REEP5: variants seen among roughly 807,000 people sequenced by gnomAD.
REEP5 encodes the protein receptor accessory protein 5.
REEP5 carries 24 observed loss-of-function variants against 22.4 expected under a neutral mutation model. That is an observed-to-expected ratio of 1.07 (90% CI 0.78 to 1.51). The LOEUF (loss-of-function observed/expected upper bound fraction) is 1.51, where lower values mean the gene tolerates loss of function less well. Ranked by LOEUF, REEP5 falls within the 40% of genes most tolerant of loss-of-function variation. The pLI is 0.00. For synonymous variants in REEP5, 103 were observed against 88.6 expected, an observed-to-expected ratio of 1.16 and a Z score of -0.92; for missense variants, 252 against 233.0, an observed-to-expected ratio of 1.08 and a Z score of -0.53.
intron 2 of REEP5, among the ~76,000 whole-genome samples, chr5:112,915,948 ACAAATACAC>A (rs1308359109): frequency 2.0e-5 from 3 of 151,874 alleles, no homozygotes; most frequent in Non-Finnish European, 1.5e-5. Flanking sequence ...GAAGAGAACT[ACAAATACAC>A]ATCCTCCAGT....
At chr5:112,888,515 T>G (rs1768331255) in intron 3 of REEP5, among the ~76,000 whole-genome samples, 1 of 152,166 alleles carries the variant, frequency 6.6e-6, no homozygotes, top group South Asian at 2.1e-4. Context: ...CTTGAACTCC[T>G]GGGTTCAAAC....
Position 112,921,940 on chromosome 5 carries a change from C to T in REEP5, c.118+133G>A, listed in dbSNP as rs1769382314. 6 of 1,166,852 alleles carry T rather than the reference C, an allele frequency of 5.1e-6. No individual in the cohort carries two copies. The South Asian group carries it at 6.8e-5, about 13-fold the overall frequency. 72.3% of individuals were successfully genotyped at this position (1,166,852 alleles called of 1,614,324 possible). A position where few individuals can be genotyped will look rare whatever the true frequency, so the allele number is the denominator to read the frequency against. On this transcript the variant is annotated intron_variant, in intron 1 of 4. Coordinates refer to ENST00000379638, the MANE Select transcript of REEP5 (RefSeq NM_005669.5). ...CGCTTTCCGGGAGGCCAGCCTGATC[C>T]CTGAATATGCTGCTTGTCCCGTCTG...
At position 112,921,187 on chromosome 5, in the gene REEP5, C is replaced by A; in HGVS notation, c.188G>T (p.Gly63Val). ...CGAGATGTAGGCTGGGTAGCCAAAT[C>A]CTATCAGGTTGCAGAGGAGAGAGGC... ...YGASLLCNLI[G>V]FGYPAYISIK... The change falls in exon 2 of 5, where the codon GGA becomes GTA. Residue 63 changes from glycine to valine, a missense_variant. By Grantham distance (109) the Gly-to-Val change is moderately radical. Transcript: ENST00000379638. 3.1e-6 allele frequency: 5 copies of A among 1,614,108 alleles called. No homozygotes were observed. The highest frequency in any genetic ancestry group is 4.2e-6 in the Non-Finnish European group (5 of 1,180,016).
chr5:112,921,279 T>G (rs1307292631), intron 1 of REEP5, 23 bp from the exon 2 acceptor site: 4 of 1,611,540 alleles, frequency 2.5e-6, no homozygotes, highest in Admixed American at 3.3e-5. Context: ...AGGAGAGAAG[T>G]GGGTCGGGCA....
At chr5:112,886,701 A>G (rs564705964) in intron 4 of REEP5, among the ~76,000 whole-genome samples, 1 of 152,380 alleles carries the variant, frequency 6.6e-6, no homozygotes, top group East Asian at 1.9e-4. Context: ...AAAAAATTAA[A>G]TAAACAATTA....
chr5:112,921,841 G>A (rs1390670423), intron 1 of REEP5: 1 of 412,606 alleles, frequency 2.4e-6, no homozygotes, highest in Non-Finnish European at 4.3e-6. Flanking sequence ...AGCTGCCAGC[G>A]CCCGGCGCCG....
chr5:112,907,943 T>C (rs1768992193), intron 2 of REEP5, among the ~76,000 whole-genome samples: 1 of 152,118 alleles, frequency 6.6e-6, no homozygotes, highest in Non-Finnish European at 1.5e-5. Flanking sequence ...CAGAAAGATA[T>C]GCAATACATT....
At chr5:112,914,407 T>A (rs2150047872) in intron 2 of REEP5, among the ~76,000 whole-genome samples, 1 of 151,958 alleles carries the variant, frequency 6.6e-6, no homozygotes, top group East Asian at 2.0e-4. Flanking sequence ...GTACTAATTT[T>A]TTGTATTTTT....
Position 112,906,971 on chromosome 5 carries a change from A to G in REEP5, c.213-4453T>C, listed in dbSNP as rs544478779. ...AAGTTGGACGTAGAAGTCAAACTGA[A>G]TAATGTCTCTACTAAAATTAGAATA... On this transcript the variant is annotated intron_variant, in intron 2 of 4. Coordinates refer to ENST00000379638, the MANE Select transcript of REEP5 (RefSeq NM_005669.5). Among the ~76,000 whole-genome samples the G allele has an allele frequency of 2.6e-4, 40 of 152,342 alleles. 1 individual carries two copies. The East Asian group carries it at 4.2e-3, about 16-fold the overall frequency.
rs184168227 is a variant in REEP5 at position 112,889,650 on chromosome 5, A to G, written c.352-2467T>C. 5.6e-3 allele frequency among the ~76,000 whole-genome samples: 845 copies of G among 150,508 alleles called. 17 individuals carry two copies. Among genetic ancestry groups the G allele is most frequent in the Middle Eastern group, 0.014 (4 of 294 alleles). On this transcript the variant is annotated intron_variant, in intron 3 of 4. Coordinates refer to ENST00000379638, the MANE Select transcript of REEP5 (RefSeq NM_005669.5). ...AAATGTAAGTCAGAATTATATAGACAAATGGACAAAATCTGCAATCATAGA... is the reference window on the plus strand; with the variant it reads ...AAATGTAAGTCAGAATTATATAGACGAATGGACAAAATCTGCAATCATAGA...
In REEP5 at chr5:112,921,210, G is replaced by C; in HGVS notation, c.165C>G (p.Ala55=). ...ATCCTATCAGGTTGCAGAGGAGAGA[G>C]GCTCCATAACCGAACACCAGGTACA... ...VALYLVFGYG[A]SLLCNLIGFG... Residue 55 remains alanine (A), a synonymous_variant, in exon 2 of 5, where the codon GCC becomes GCG. Transcript: ENST00000379638. 3.1e-6 allele frequency: 5 copies of C among 1,614,190 alleles called. No individual in the cohort carries two copies. Among genetic ancestry groups the C allele is most frequent in the Non-Finnish European group, 4.2e-6 (5 of 1,180,038 alleles).
rs546114902 is a variant in REEP5 at position 112,901,693 on chromosome 5, C to T, written c.351+687G>A. On this transcript the variant is annotated intron_variant, in intron 3 of 4. Transcript: ENST00000379638. ...TACCATGGCACTCTAGCCTGGGCAA[C>T]AGACCAAGAGTCCATCTCAGAAAAA... 3.3e-5 allele frequency among the ~76,000 whole-genome samples: 5 copies of T among 150,296 alleles called. No individual in the cohort carries two copies. The South Asian group carries it at 1.0e-3, about 31-fold the overall frequency.
In REEP5 at chr5:112,905,761, C is replaced by T. The variant is rs552862088; in HGVS notation, c.213-3243G>A. 2.0e-5 allele frequency among the ~76,000 whole-genome samples: 3 copies of T among 152,102 alleles called. No homozygotes were observed. The South Asian group carries it at 6.2e-4, about 32-fold the overall frequency. ...TCAGCCTCTCCAGTAGCTGGGACTA[C>T]AGGTTCACATCATCATGCTTGGCTA... On this transcript the variant is annotated intron_variant, in intron 2 of 4. Coordinates refer to ENST00000379638, the MANE Select transcript of REEP5 (RefSeq NM_005669.5).
intron 3 of REEP5, chr5:112,892,017 G>A (rs772720429): frequency 2.3e-6 from 3 of 1,317,412 alleles, no homozygotes; most frequent in Admixed American, 1.7e-5. Context: ...AGAGAGAAGA[G>A]GAGGAGCAGA....
intron 3 of REEP5, chr5:112,893,567 T>A (rs139353330): frequency 6.5e-6 from 1 of 153,598 alleles, no homozygotes; most frequent in African/African-American, 2.4e-5. Flanking sequence ...CTCCAAAGCT[T>A]GTTTACTGAG....
At chr5:112,902,062 T>C (rs1267644405) in intron 3 of REEP5, among the ~76,000 whole-genome samples, 1 of 151,812 alleles carries the variant, frequency 6.6e-6, no homozygotes, top group African/African-American at 2.4e-5. Context: ...CCATTTATGA[T>C]GGTGGTTGGA....
intron 2 of REEP5, among the ~76,000 whole-genome samples, chr5:112,909,106 C>G (rs1396160575): frequency 6.6e-6 from 1 of 151,458 alleles, no homozygotes; most frequent in Non-Finnish European, 1.5e-5. Context: ...CATTTCTTCT[C>G]AGTGCTTTTC....
intron 4 of REEP5, 104 bp from the exon 5 acceptor site, chr5:112,878,939 G>C (rs1339123895): frequency 1.3e-6 from 2 of 1,565,502 alleles, no homozygotes; most frequent in Non-Finnish European, 1.7e-6. Context: ...AACAAAACTT[G>C]GATGACTCAT....
At chr5:112,910,941 A>C (rs1447370619) in intron 2 of REEP5, among the ~76,000 whole-genome samples, 2 of 152,196 alleles carry the variant, frequency 1.3e-5, no homozygotes, top group Non-Finnish European at 2.9e-5. Context: ...CAAATCCACC[A>C]TGGTAATCCC....
Sources: gnomAD v4.1 joint callset for allele counts (sites outside exome capture counted in the v4.1 genomes callset) on GRCh38, gnomAD v4.1.1 for gene constraint, MANE v1.5 for transcripts, NCBI Gene and HGNC (gene_info 2026-07-23, HGNC 2026-07-21) for gene names.